Variants in PTPRD observed in about 807,000 individuals in gnomAD.
The protein encoded by PTPRD is receptor-type tyrosine-protein phosphatase delta.
Under a neutral mutation model 214.5 loss-of-function variants are expected in PTPRD, and 34 were observed. The observed-to-expected ratio is 0.16, with a 90% CI of 0.12 to 0.21. The LOEUF is 0.21. PTPRD is among the 10% of genes least tolerant of loss of function. The probability of loss-of-function intolerance (pLI) is 1.00; values close to 1 mark genes in which losing one functional copy is unlikely to be tolerated. For missense variants in PTPRD, 2,545 were observed against 2,398.7 expected, an observed-to-expected ratio of 1.06 and a Z score of -1.27; for synonymous variants, 1,128 against 845.7, an observed-to-expected ratio of 1.33 and a Z score of -5.79.
intron 44 of PTPRD, among the ~76,000 whole-genome samples, chr9:8,322,948 C>T (rs1362508778): frequency 1.3e-5 from 2 of 152,078 alleles, no homozygotes; most frequent in Non-Finnish European, 2.9e-5. Flanking sequence ...AAGAATTACA[C>T]TAAATATACT....
intron 10 of PTPRD, among the ~76,000 whole-genome samples, chr9:9,101,260 T>C (rs908842195): frequency 6.6e-6 from 1 of 152,170 alleles, no homozygotes; most frequent in Non-Finnish European, 1.5e-5. Flanking sequence ...TGAGCTTTAA[T>C]AGATGCTTAG....
chr9:10,133,404 T>C (rs976021436), intron 3 of PTPRD, among the ~76,000 whole-genome samples: 1 of 152,142 alleles, frequency 6.6e-6, no homozygotes, highest in African/African-American at 2.4e-5. Flanking sequence ...GGTGACGGTG[T>C]TCCCACCTCA....
At chr9:10,027,535 T>C (rs118190855) in intron 4 of PTPRD, among the ~76,000 whole-genome samples, 1,865 of 152,258 alleles carry the variant, frequency 0.012, 19 homozygotes, top group Middle Eastern at 0.024. Context: ...ATGTGTATTA[T>C]AAAATATAAC....
At chr9:10,500,733 ACTCT>A (rs765059384) in intron 2 of PTPRD, among the ~76,000 whole-genome samples, 1 of 150,566 alleles carries the variant, frequency 6.6e-6, no homozygotes, top group South Asian at 2.1e-4. Flanking sequence ...TAACAATCCT[ACTCT>A]CTATCTCCAT....
intron 11 of PTPRD, among the ~76,000 whole-genome samples, chr9:8,771,273 T>C (rs570515510): frequency 6.6e-6 from 1 of 152,344 alleles, no homozygotes; most frequent in South Asian, 2.1e-4. Context: ...AATATTTTCC[T>C]AGTTATTTAC....
At chr9:10,351,169 T>C (rs946223483) in intron 2 of PTPRD, among the ~76,000 whole-genome samples, 8 of 152,164 alleles carry the variant, frequency 5.3e-5, no homozygotes, top group African/African-American at 1.9e-4. Context: ...TTGTGACAAA[T>C]GTGTTGAAGA....
intron 12 of PTPRD, among the ~76,000 whole-genome samples, chr9:8,660,299 T>C (rs1288999902): frequency 6.6e-6 from 1 of 151,620 alleles, no homozygotes; most frequent in Non-Finnish European, 1.5e-5. Flanking sequence ...CCATCACAAA[T>C]ATTTAAAGGT....
In PTPRD at chr9:8,337,508, G is replaced by A. The variant is rs1462256265; in HGVS notation, c.5379+1414C>T. Among the ~76,000 whole-genome samples, 23 of 152,006 alleles carry A rather than the reference G, an allele frequency of 1.5e-4. 1 individual carries two copies. ...GAGAAATACCTAATGTAGATGATGG[G>A]TTGATGTTGCACCAAACCACCGTGG... On this transcript the variant is annotated intron_variant, in intron 43 of 45. Coordinates refer to ENST00000381196, the MANE Select transcript of PTPRD (RefSeq NM_002839.4).
At chr9:8,386,409 C>A (rs1018959004) in intron 37 of PTPRD, among the ~76,000 whole-genome samples, 1 of 152,230 alleles carries the variant, frequency 6.6e-6, no homozygotes, top group African/African-American at 2.4e-5. Context: ...TTCACAGCAG[C>A]ATTTACAAGA....
At chr9:8,961,443 C>T (rs2099158244) in intron 11 of PTPRD, among the ~76,000 whole-genome samples, 1 of 152,094 alleles carries the variant, frequency 6.6e-6, no homozygotes, top group Non-Finnish European at 1.5e-5. Context: ...CCCATTTGGC[C>T]TGGTTCTGCA....
chr9:8,736,787 T>G (rs1047094734), intron 11 of PTPRD, among the ~76,000 whole-genome samples: 1 of 151,962 alleles, frequency 6.6e-6, no homozygotes, highest in Non-Finnish European at 1.5e-5. Context: ...TGGCCAGCTG[T>G]TCCAAATCAG....
chr9:9,007,187 A>G (rs1350497670), intron 11 of PTPRD, among the ~76,000 whole-genome samples: 2 of 151,848 alleles, frequency 1.3e-5, no homozygotes, highest in East Asian at 3.9e-4. Context: ...GAGTAGAGGT[A>G]TATGTAGAAA....
intron 10 of PTPRD, among the ~76,000 whole-genome samples, chr9:9,083,516 T>C (rs6477368): frequency 0.031 from 4,743 of 151,810 alleles, 166 homozygotes; most frequent in African/African-American, 0.081. Context: ...GACTAAAACA[T>C]CAAAGCAATA....
chr9:8,720,708 G>C (rs1244764118), intron 12 of PTPRD, among the ~76,000 whole-genome samples: 2 of 151,938 alleles, frequency 1.3e-5, no homozygotes, highest in African/African-American at 4.8e-5. Flanking sequence ...ATTGAAATTA[G>C]AAGCCATTCT....
intron 3 of PTPRD, among the ~76,000 whole-genome samples, chr9:10,153,168 C>T (rs1400944111): frequency 6.6e-6 from 1 of 152,060 alleles, no homozygotes; most frequent in Non-Finnish European, 1.5e-5. Flanking sequence ...TAAATAATCT[C>T]ATCTCCAAAA....
At chr9:10,002,472 T>A (rs893785682) in intron 4 of PTPRD, among the ~76,000 whole-genome samples, 1 of 150,476 alleles carries the variant, frequency 6.6e-6, no homozygotes, top group African/African-American at 2.4e-5. Context: ...ACAAATCAGT[T>A]GAAAATAAAA....
chr9:9,007,763 C>T (rs968586896), intron 11 of PTPRD, among the ~76,000 whole-genome samples: 5 of 148,772 alleles, frequency 3.4e-5, no homozygotes, highest in Non-Finnish European at 7.4e-5. Flanking sequence ...TTACACCCCC[C>T]AAAGGTTGCT....
chr9:9,085,559 T>C (rs181662342), intron 10 of PTPRD, among the ~76,000 whole-genome samples: 53 of 152,062 alleles, frequency 3.5e-4, no homozygotes, highest in African/African-American at 1.3e-3. Context: ...TTTTTCCCTC[T>C]TATAAATAGA....
chr9:10,383,466 A>T (rs73644440), intron 2 of PTPRD, among the ~76,000 whole-genome samples: 3,998 of 151,922 alleles, frequency 0.026, 185 homozygotes, highest in African/African-American at 0.092. Context: ...AAATGCATGG[A>T]ACTAATGTGG....
Sources: allele counts gnomAD v4.1 joint callset (sites outside exome capture counted in the v4.1 genomes callset), GRCh38; gene constraint gnomAD v4.1.1; transcripts MANE v1.5; gene names NCBI Gene and HGNC (gene_info 2026-07-23, HGNC 2026-07-21).